GAB4: variants seen among roughly 807,000 people sequenced by gnomAD.
GAB4 encodes GRB2-associated-binding protein 4.
In GAB4, 26 loss-of-function variants were observed where a neutral mutation model predicts 51.3. The observed-to-expected ratio is 0.51, with a 90% confidence interval of 0.37 to 0.70. The LOEUF is 0.70. Among genes scored for constraint, GAB4 ranks in the 30% least tolerant of loss-of-function variants. The probability of loss-of-function intolerance (pLI) is 0.00; values close to 1 mark genes in which losing one functional copy is unlikely to be tolerated. For synonymous variants in GAB4, 329 were observed against 291.2 expected (o/e 1.13, Z -1.32); for missense variants, 759 against 734.6 (o/e 1.03, Z -0.38).
At chr22:16,973,697 C>T (rs1005249843) in intron 3 of GAB4, among the ~76,000 whole-genome samples, 9 of 152,338 alleles carry the variant, frequency 5.9e-5, no homozygotes, top group Admixed American at 2.6e-4. Context: ...TCTCTGTGCC[C>T]CCATAGCACC....
intron 8 of GAB4, among the ~76,000 whole-genome samples, chr22:16,964,360 C>T (rs2060653673): frequency 1.3e-5 from 2 of 152,208 alleles, no homozygotes; most frequent in African/African-American, 2.4e-5. Context: ...ATGATGCCCT[C>T]TTCAGTGCCA....
intron 1 of GAB4, among the ~76,000 whole-genome samples, chr22:16,994,931 G>A (rs910881555): frequency 2.0e-5 from 3 of 152,160 alleles, no homozygotes; most frequent in African/African-American, 4.8e-5. Flanking sequence ...TCACAGATAC[G>A]ACTAATTTTC....
intron 3 of GAB4, among the ~76,000 whole-genome samples, chr22:16,987,052 T>C (rs2060873985): frequency 6.6e-6 from 1 of 152,260 alleles, no homozygotes; most frequent in Non-Finnish European, 1.5e-5. Context: ...TCTTCCTAGC[T>C]ATCTCTCATA....
chr22:16,968,434 A>G, intron 4 of GAB4, 51 bp from the exon 5 acceptor site: 3 of 1,354,988 alleles, frequency 2.2e-6, no homozygotes, highest in Non-Finnish European at 3.2e-6. Context: ...CCATGTGTTG[A>G]TGCCTCCCAC....
At chr22:16,999,089 G>A (rs1291551764) in intron 1 of GAB4, among the ~76,000 whole-genome samples, 2 of 152,168 alleles carry the variant, frequency 1.3e-5, no homozygotes, top group African/African-American at 4.8e-5. Context: ...AGGGATATTG[G>A]TCTAAAATTC....
chr22:16,965,384 G>C (rs1416461803), intron 6 of GAB4, 116 bp from the exon 7 acceptor site: 1 of 756,032 alleles, frequency 1.3e-6, no homozygotes, highest in African/African-American at 1.7e-5. Context: ...AGTCCACCCA[G>C]CTGTGTGCGG....
At chr22:16,984,209 A>G (rs1473630163) in intron 3 of GAB4, among the ~76,000 whole-genome samples, 3 of 152,218 alleles carry the variant, frequency 2.0e-5, no homozygotes, top group Non-Finnish European at 4.4e-5. Flanking sequence ...AAAATTATCA[A>G]CATCACTAGT....
intron 2 of GAB4, 136 bp from the exon 3 acceptor site, chr22:16,988,303 G>C: frequency 4.4e-6 from 3 of 683,206 alleles, no homozygotes; most frequent in South Asian, 3.4e-5. Context: ...TCCTCCCAGA[G>C]GAGGGCTGGG....
intron 5 of GAB4, among the ~76,000 whole-genome samples, chr22:16,967,736 A>G (rs2060691985): frequency 6.6e-6 from 1 of 152,186 alleles, no homozygotes. Flanking sequence ...CATCTTTGTA[A>G]GAAGCCTGAC....
At chr22:16,971,156 T>C (rs1398050965) in intron 3 of GAB4, among the ~76,000 whole-genome samples, 2 of 152,232 alleles carry the variant, frequency 1.3e-5, no homozygotes, top group South Asian at 2.1e-4. Context: ...ATCATGCTAC[T>C]GTACTCCAAC....
At chr22:17,005,105 T>C (rs1329684413) in intron 1 of GAB4, among the ~76,000 whole-genome samples, 1 of 152,136 alleles carries the variant, frequency 6.6e-6, no homozygotes, top group Non-Finnish European at 1.5e-5. Context: ...GAAAACCCCA[T>C]CATCTCAGCC....
In GAB4 at chr22:16,964,769, G is replaced by C. The variant is rs890320526; in HGVS notation, c.1473C>G (p.Phe491Leu). ...ACAGTGACCCCCAAGGACTCACCGG[G>C]AAAAGATACCTCTCTCCACTGTCTT... The part of the protein sequence containing the change: ...DSEDSGERYL[F>L]PNPASAFPVS... The change falls in exon 8 of 10, where the codon TTC becomes TTG. Residue 491 changes from phenylalanine to leucine, a missense_variant. Transcript: ENST00000400588. 19 of 1,610,950 alleles carry C rather than the reference G, an allele frequency of 1.2e-5. No individual in the cohort carries two copies. In the African/African-American group the frequency reaches 1.7e-4, roughly 15 times the overall value.
chr22:16,972,775 C>T (rs1443716805), intron 3 of GAB4, among the ~76,000 whole-genome samples: 1 of 152,146 alleles, frequency 6.6e-6, no homozygotes, highest in Non-Finnish European at 1.5e-5. Flanking sequence ...GGTCTCATAA[C>T]ACGTCTTCCT....
chr22:16,973,843 T>C (rs1301693230), intron 3 of GAB4, among the ~76,000 whole-genome samples: 5 of 152,226 alleles, frequency 3.3e-5, no homozygotes, highest in Non-Finnish European at 7.3e-5. Flanking sequence ...TGGACCTTGC[T>C]CTGTCTTGTG....
intron 1 of GAB4, among the ~76,000 whole-genome samples, chr22:16,996,423 A>T (rs1160604867): frequency 6.6e-6 from 1 of 152,162 alleles, no homozygotes; most frequent in Non-Finnish European, 1.5e-5. Flanking sequence ...ACCAAGCAAG[A>T]CAAGCCAACA....
intron 2 of GAB4, among the ~76,000 whole-genome samples, chr22:16,990,116 C>T (rs2060902016): frequency 6.6e-6 from 1 of 152,226 alleles, no homozygotes; most frequent in African/African-American, 2.4e-5. Context: ...CAACCATGTC[C>T]TGTCCTTATG....
At position 16,966,281 on chromosome 22, in the gene GAB4, C is replaced by T. The variant is rs2060673363; in HGVS notation, c.1107G>A (p.Leu369=). 1.2e-6 allele frequency: 2 copies of T among 1,613,870 alleles called. No individual in the cohort carries two copies. Among genetic ancestry groups the T allele is most frequent in the Non-Finnish European group, 8.5e-7 (1 of 1,179,998 alleles). Residue 369 remains leucine, a synonymous_variant, in exon 6 of 10, where the codon CTG becomes CTA. Coordinates refer to ENST00000400588, the MANE Select transcript of GAB4 (RefSeq NM_001037814.1). The part of the protein sequence containing the change: ...CVPMNPGSPT[L]PAVKQAGDDS... ...CATCGCCTGCTTGCTTCACAGCCGGCAGGGTAGGGGAGCCTGGGTTCATGG... is the reference window on the plus strand; with the variant it reads ...CATCGCCTGCTTGCTTCACAGCCGGTAGGGTAGGGGAGCCTGGGTTCATGG...
intron 5 of GAB4, 192 bp from the exon 6 acceptor site, chr22:16,966,556 T>A: frequency 3.3e-6 from 2 of 609,772 alleles, no homozygotes; most frequent in Admixed American, 3.0e-5. Context: ...AGGAACCCCA[T>A]GGATGGGGCC....
At position 17,002,675 on chromosome 22, in the gene GAB4, G is replaced by C. The variant is rs141586744; in HGVS notation, c.174+5266C>G. The stretch of plus-strand genomic sequence containing the variant: ...AGGGGAACATCACACACTGGGGCCT[G>C]TTGTTGGGGGCGAGGGGGGAGGGAT... On this transcript the variant is annotated intron_variant, in intron 1 of 9. Coordinates refer to ENST00000400588, the MANE Select transcript of GAB4 (RefSeq NM_001037814.1). Among the ~76,000 whole-genome samples, 618 of 152,180 alleles carry C rather than the reference G, an allele frequency of 4.1e-3. 1 individual carries two copies. The highest frequency in any genetic ancestry group is 0.024 in the Middle Eastern group (7 of 294).
Sources: allele counts gnomAD v4.1 joint callset (sites outside exome capture counted in the v4.1 genomes callset), GRCh38; gene constraint gnomAD v4.1.1; transcripts MANE v1.5; gene names NCBI Gene and HGNC (gene_info 2026-07-23, HGNC 2026-07-21).